Variants in HECTD4 observed in about 807,000 individuals in gnomAD.
The protein encoded by HECTD4 is probable E3 ubiquitin-protein ligase HECTD4.
Under a neutral mutation model 471.5 loss-of-function variants are expected in HECTD4, and 114 were observed. That is an observed-to-expected ratio of 0.24 (90% CI 0.21 to 0.28). HECTD4 has a LOEUF of 0.28. Ranked by LOEUF, HECTD4 falls within the 10% of genes least tolerant of loss-of-function variation. The pLI, the probability that HECTD4 is intolerant of heterozygous loss-of-function variation, is 1.00. For synonymous variants in HECTD4, 2,012 were observed against 2,256.0 expected, an observed-to-expected ratio of 0.89 and a Z score of 3.07; for missense variants, 3,866 against 5,651.5, an observed-to-expected ratio of 0.68 and a Z score of 10.13.
chr12:112,358,106 G>A (rs1180977201), intron 1 of HECTD4, among the ~76,000 whole-genome samples: 1 of 152,114 alleles, frequency 6.6e-6, no homozygotes, highest in Admixed American at 6.5e-5. Flanking sequence ...CAGAGGTTGA[G>A]GCACAAGAAA....
intron 13 of HECTD4, among the ~76,000 whole-genome samples, chr12:112,268,801 CCA>C (rs1491090629): frequency 2.2e-5 from 3 of 138,248 alleles, no homozygotes; most frequent in African/African-American, 7.9e-5. Flanking sequence ...AAAAAACAAA[CCA>C]AAAAAAAAAA....
At position 112,309,580 on chromosome 12, in the gene HECTD4, C is replaced by T; in HGVS notation, c.1006G>A (p.Gly336Arg). Residue 336 changes from glycine to arginine, a missense_variant, in exon 5 of 76, where the codon GGA (glycine) becomes AGA (arginine). By Grantham distance (125) the Gly-to-Arg change is moderately radical. Coordinates refer to ENST00000682272, the MANE Select transcript of HECTD4 (RefSeq NM_001388303.1). ...VGRGVSKLGS[G>R]LHGTLRGFVY... is the part of the protein sequence containing the mutation. Reference sequence around the variant, plus strand: ...ACTGACCTGAGAGTACCATGTAATCCAGATCCCAATTTGCTTACTCCTCTT... The same window carrying T: ...ACTGACCTGAGAGTACCATGTAATCTAGATCCCAATTTGCTTACTCCTCTT... 1 of 1,506,034 alleles carries T rather than the reference C, an allele frequency of 6.6e-7. No homozygotes were observed. Among genetic ancestry groups the T allele is most frequent in the Non-Finnish European group, 8.9e-7 (1 of 1,118,834 alleles). The allele number at this position is 1,506,034 out of a possible 1,614,324, so 93.3% of individuals were successfully genotyped here. A position where few individuals can be genotyped will look rare whatever the true frequency, so the allele number is the denominator to read the frequency against.
At chr12:112,336,156 A>G (rs2035953951) in intron 1 of HECTD4, among the ~76,000 whole-genome samples, 1 of 152,232 alleles carries the variant, frequency 6.6e-6, no homozygotes, top group South Asian at 2.1e-4. Flanking sequence ...GCAGAAAACA[A>G]GACAAATAAC....
In HECTD4 at chr12:112,319,128, A is replaced by T; in HGVS notation, c.695+97T>A. 1 of 1,206,044 alleles carries T rather than the reference A, an allele frequency of 8.3e-7. No individual in the cohort carries two copies. Among genetic ancestry groups the T allele is most frequent in the Non-Finnish European group, 1.1e-6 (1 of 877,230 alleles). The allele number at this position is 1,206,044 out of a possible 1,614,324, so 74.7% of individuals were successfully genotyped here. Reference sequence around the variant, plus strand: ...AAGCAAAGAAGGACTTCTGAATGTTAAGACTTCTATCAAATATACTTGGCC... The same window carrying T: ...AAGCAAAGAAGGACTTCTGAATGTTTAGACTTCTATCAAATATACTTGGCC... On this transcript the variant is annotated intron_variant, in intron 2 of 75. Coordinates refer to ENST00000682272, the MANE Select transcript of HECTD4 (RefSeq NM_001388303.1). This position sits in a 1 kb window ranked among gnomAD's most constrained non-coding sequence, Gnocchi z 5.3.
intron 28 of HECTD4, among the ~76,000 whole-genome samples, 170 bp from the exon 29 acceptor site, chr12:112,247,246 A>T (rs1368299816): frequency 5.3e-5 from 8 of 152,158 alleles, no homozygotes; most frequent in Admixed American, 2.6e-4. Flanking sequence ...ACTGTTAGAA[A>T]CTCTGGCCAC....
At chr12:112,322,774 G>A (rs1566111362) in intron 1 of HECTD4, 1 of 153,140 alleles carries the variant, frequency 6.5e-6, no homozygotes, top group Non-Finnish European at 1.5e-5. Context: ...GCAAAGCAAA[G>A]AGCCTCCAAA....
At chr12:112,170,587 G>T in intron 68 of HECTD4, 135 bp from the exon 69 acceptor site, 1 of 1,136,154 alleles carries the variant, frequency 8.8e-7, no homozygotes, top group Non-Finnish European at 1.2e-6. Context: ...CCCTGACTGT[G>T]GAGGGTGGTG....
At position 112,382,274 on chromosome 12, in the gene HECTD4, C is replaced by T; in HGVS notation, c.-146G>A. ...GCTGCCTCGCCCGTGCAACTCCGCCCTAGGCGGTCCGAGTCGCCATACCCC... is the reference window on the plus strand; with the variant it reads ...GCTGCCTCGCCCGTGCAACTCCGCCTTAGGCGGTCCGAGTCGCCATACCCC... On this transcript the variant is annotated 5_prime_UTR_variant, in exon 1 of 76. An upstream open reading frame in the 5' UTR loses its in-frame stop. Transcript: ENST00000682272. The T allele has an allele frequency of 4.4e-6, 3 of 684,640 alleles. No individual in the cohort carries two copies. Among genetic ancestry groups the T allele is most frequent in the Non-Finnish European group, 6.0e-6 (3 of 497,910 alleles). 42.4% of individuals were successfully genotyped at this position (684,640 alleles called of 1,614,324 possible).
At chr12:112,198,445 T>C (rs2032314319) in intron 55 of HECTD4, among the ~76,000 whole-genome samples, 1 of 152,160 alleles carries the variant, frequency 6.6e-6, no homozygotes, top group Admixed American at 6.5e-5. Flanking sequence ...ATGTACTCCA[T>C]GGGAAGGTCT....
At chr12:112,189,201 T>A (rs1422089572) in intron 60 of HECTD4, among the ~76,000 whole-genome samples, 1 of 152,108 alleles carries the variant, frequency 6.6e-6, no homozygotes, top group Non-Finnish European at 1.5e-5. Context: ...TTGCCAACAT[T>A]TAAAAATTGA....
intron 1 of HECTD4, among the ~76,000 whole-genome samples, chr12:112,378,752 T>C (rs1236333479): frequency 1.3e-5 from 2 of 152,108 alleles, no homozygotes; most frequent in East Asian, 3.8e-4. Context: ...TTTTAAAAAA[T>C]TAATAAACCG....
intron 17 of HECTD4, among the ~76,000 whole-genome samples, chr12:112,262,727 C>T (rs1009992838): frequency 5.3e-5 from 8 of 151,864 alleles, no homozygotes; most frequent in Admixed American, 2.0e-4. Flanking sequence ...GCAATTCTCA[C>T]GCCTCAGCCT....
At chr12:112,329,565 G>A (rs1202633852) in intron 1 of HECTD4, among the ~76,000 whole-genome samples, 5 of 151,986 alleles carry the variant, frequency 3.3e-5, no homozygotes, top group African/African-American at 9.6e-5. Flanking sequence ...ACAGGGTTTC[G>A]CCATGATGGC....
intron 1 of HECTD4, chr12:112,321,874 A>G (rs111902466): frequency 6.6e-6 from 1 of 152,162 alleles, no homozygotes; most frequent in Non-Finnish European, 1.5e-5. Flanking sequence ...AGGAGAAAGA[A>G]CTTATAATTA....
In HECTD4 at chr12:112,163,736, A is replaced by G. The variant is rs2030800596; in HGVS notation, c.12703T>C (p.Trp4235Arg). The G allele has an allele frequency of 1.4e-6, 2 of 1,465,262 alleles. No homozygotes were observed. Among genetic ancestry groups the G allele is most frequent in the Non-Finnish European group, 1.8e-6 (2 of 1,104,324 alleles). The allele number at this position is 1,465,262 out of a possible 1,614,324, so 90.8% of individuals were successfully genotyped here. The change falls in exon 74 of 76, where the codon TGG becomes CGG. Residue 4235 changes from tryptophan to arginine, a missense_variant and splice_region_variant. Around this residue, in one of 16 missense-constraint regions of HECTD4, gnomAD observed 715 missense variants for 1,087.6 expected, o/e 0.66. Coordinates refer to ENST00000682272, the MANE Select transcript of HECTD4 (RefSeq NM_001388303.1). This position sits in a 1 kb window ranked among gnomAD's most constrained non-coding sequence, Gnocchi z 8.2. ...GCCGCGTAGATGTCCTTGTTCTCCC[A>G]CCTGCCCGGGTGAGGAGCACAGGTG... ...CSRGRHILVA[W>R]ENKDIYAAAI...
At chr12:112,376,249 T>G (rs553976975) in intron 1 of HECTD4, among the ~76,000 whole-genome samples, 9 of 152,226 alleles carry the variant, frequency 5.9e-5, no homozygotes, top group East Asian at 5.8e-4. Flanking sequence ...GCATTCTTTT[T>G]TTTTGTTTTG....
chr12:112,310,940 A>G (rs913915942), intron 4 of HECTD4, among the ~76,000 whole-genome samples: 1 of 152,198 alleles, frequency 6.6e-6, no homozygotes, highest in Admixed American at 6.5e-5. Context: ...TCTCAACATC[A>G]GTCAAATGTG....
Position 112,235,197 on chromosome 12 carries a change from T to C in HECTD4, c.5795A>G (p.Asn1932Ser). 1.2e-6 allele frequency: 2 copies of C among 1,614,028 alleles called. No individual in the cohort carries two copies. Among genetic ancestry groups the C allele is most frequent in the Non-Finnish European group, 1.7e-6 (2 of 1,179,892 alleles). ...AGGATCTTTATCTCCTTTCAAGGAA[T>C]TCTTGGGACTGGTTTTTGTCAATGT... ...DTTLTKTSPK[N>S]SLKGDKDPGE... The change falls in exon 37 of 76, where the codon AAT becomes AGT. Residue 1932 changes from asparagine to serine, a missense_variant. Asn to Ser is a conservative substitution (Grantham distance 46, BLOSUM62 1). Coordinates refer to ENST00000682272, the MANE Select transcript of HECTD4 (RefSeq NM_001388303.1). The surrounding 1 kb of genome is among the most constrained non-coding windows in gnomAD (Gnocchi z 5.0).
chr12:112,245,264 A>G (rs533144025), intron 29 of HECTD4, among the ~76,000 whole-genome samples: 13 of 152,212 alleles, frequency 8.5e-5, no homozygotes, highest in African/African-American at 3.1e-4. Flanking sequence ...TGGCCTCCCA[A>G]AGTTCTGGAA....
Sources: allele counts gnomAD v4.1 joint callset (sites outside exome capture counted in the v4.1 genomes callset), GRCh38; gene constraint gnomAD v4.1.1; regional missense constraint gnomAD v4.1.1; non-coding constraint Gnocchi (gnomAD v3.1); transcripts MANE v1.5; gene names NCBI Gene and HGNC (gene_info 2026-07-23, HGNC 2026-07-21).